Variants in DACH1 observed in about 807,000 individuals in gnomAD.
DACH1 encodes the protein dachshund homolog 1.
Under a neutral mutation model 54.2 loss-of-function variants are expected in DACH1, and 12 were observed. That is an observed-to-expected ratio of 0.22 (90% CI 0.14 to 0.36). DACH1 has a LOEUF of 0.36. Among genes scored for constraint, DACH1 ranks in the 10% least tolerant of loss-of-function variants. The probability of loss-of-function intolerance (pLI) is 1.00; values close to 1 mark genes in which losing one functional copy is unlikely to be tolerated. For missense variants in DACH1, 805 were observed against 929.8 expected, an observed-to-expected ratio of 0.87 and a Z score of 1.75; for synonymous variants, 386 against 366.2, an observed-to-expected ratio of 1.05 and a Z score of -0.62.
chr13:71,828,710 A>C (rs1014868125), intron 1 of DACH1, among the ~76,000 whole-genome samples: 1 of 151,900 alleles, frequency 6.6e-6, no homozygotes, highest in African/African-American at 2.4e-5. Flanking sequence ...TCTTCATTAC[A>C]TGGTGCCTCT....
intron 6 of DACH1, among the ~76,000 whole-genome samples, chr13:71,514,417 T>TA (rs1483877273): frequency 6.6e-6 from 1 of 151,832 alleles, no homozygotes; most frequent in African/African-American, 2.4e-5. Context: ...AGGATTTATA[T>TA]AAAAAAGAAT....
intron 1 of DACH1, among the ~76,000 whole-genome samples, chr13:71,745,700 G>A (rs1884573706): frequency 6.6e-6 from 1 of 152,196 alleles, no homozygotes; most frequent in South Asian, 2.1e-4. Context: ...ATGTTACAAA[G>A]TGAGTGGTGC....
chr13:71,468,920 C>T (rs138648498), intron 10 of DACH1, among the ~76,000 whole-genome samples: 5 of 152,240 alleles, frequency 3.3e-5, no homozygotes, highest in Admixed American at 2.0e-4. Context: ...GGAAAGGAAA[C>T]ATTTTTTCAA....
At chr13:71,745,243 T>G (rs181599753) in intron 1 of DACH1, among the ~76,000 whole-genome samples, 1 of 152,298 alleles carries the variant, frequency 6.6e-6, no homozygotes, top group East Asian at 1.9e-4. Context: ...TTTCCCCTTC[T>G]TTTCTTTTAA....
intron 1 of DACH1, among the ~76,000 whole-genome samples, chr13:71,758,314 CAT>C (rs1885253569): frequency 6.6e-6 from 1 of 152,160 alleles, no homozygotes. Context: ...ACAAAATTAA[CAT>C]GTTTAAGCTA....
intron 4 of DACH1, 73 bp downstream of exon 4, chr13:71,572,767 A>G: frequency 6.8e-7 from 1 of 1,471,338 alleles, no homozygotes; most frequent in Middle Eastern, 2.2e-4. Context: ...GTACTTATGG[A>G]ATAAGAAAAA....
At chr13:71,783,965 A>T (rs1317156861) in intron 1 of DACH1, among the ~76,000 whole-genome samples, 2 of 46,512 alleles carry the variant, frequency 4.3e-5, no homozygotes, top group East Asian at 2.5e-3. Flanking sequence ...TCCAAGGTTT[A>T]AAAAAAAAAA....
chr13:71,731,261 A>G (rs1364533443), intron 1 of DACH1, among the ~76,000 whole-genome samples: 4 of 150,982 alleles, frequency 2.6e-5, no homozygotes, highest in Non-Finnish European at 5.9e-5. Flanking sequence ...AAGCCACTTA[A>G]CTTCTCTTTT....
In DACH1 at chr13:71,501,746, G is replaced by A. The variant is rs545107882; in HGVS notation, c.1571-12598C>T. 4.6e-5 allele frequency among the ~76,000 whole-genome samples: 7 copies of A among 152,188 alleles called. No homozygotes were observed. The South Asian group carries it at 1.5e-3, about 32-fold the overall frequency. ...ACTTATTCTTTCTTCAGAGTCAGAG[G>A]CATTGCTATGATGATGTTCATCATT... is the stretch of plus-strand genomic sequence containing the variant. On this transcript the variant is annotated intron_variant, in intron 6 of 10. Coordinates refer to ENST00000613252, the MANE Select transcript of DACH1 (RefSeq NM_080759.6).
intron 1 of DACH1, among the ~76,000 whole-genome samples, chr13:71,854,887 C>G (rs1873901897): frequency 6.6e-6 from 1 of 151,934 alleles, no homozygotes; most frequent in Non-Finnish European, 1.5e-5. Context: ...GATTTTTCAT[C>G]TTCATTCAAA....
chr13:71,554,583 G>T (rs894245555), intron 6 of DACH1, among the ~76,000 whole-genome samples: 213 of 152,152 alleles, frequency 1.4e-3, no homozygotes, highest in African/African-American at 4.9e-3. Flanking sequence ...CTTTGGCCTT[G>T]CTATTAATCC....
intron 3 of DACH1, among the ~76,000 whole-genome samples, chr13:71,598,124 T>C (rs950531265): frequency 1.3e-5 from 2 of 151,048 alleles, no homozygotes; most frequent in African/African-American, 4.9e-5. Flanking sequence ...AAAAGAGAAA[T>C]AAAATTAAAC....
chr13:71,587,333 T>C (rs971780343), intron 3 of DACH1, among the ~76,000 whole-genome samples: 1 of 152,126 alleles, frequency 6.6e-6, no homozygotes, highest in Non-Finnish European at 1.5e-5. Context: ...AATTGAATTG[T>C]AAAATGTGTC....
chr13:71,661,762 G>C (rs1054293139), intron 2 of DACH1, among the ~76,000 whole-genome samples: 2 of 151,846 alleles, frequency 1.3e-5, no homozygotes, highest in African/African-American at 4.8e-5. Flanking sequence ...ACCTGGGAGA[G>C]AGTACTCAAG....
intron 6 of DACH1, among the ~76,000 whole-genome samples, chr13:71,502,227 A>C (rs1879974658): frequency 6.6e-6 from 1 of 152,160 alleles, no homozygotes; most frequent in Non-Finnish European, 1.5e-5. Flanking sequence ...CAACCAGCCT[A>C]GATTCCATCA....
chr13:71,641,732 T>C (rs1426843166), intron 2 of DACH1, among the ~76,000 whole-genome samples: 6 of 152,206 alleles, frequency 3.9e-5, no homozygotes, highest in Admixed American at 6.5e-5. Context: ...GCCCTTATCT[T>C]GGCACAATTT....
At chr13:71,809,105 T>C (rs887129525) in intron 1 of DACH1, among the ~76,000 whole-genome samples, 1 of 152,234 alleles carries the variant, frequency 6.6e-6, no homozygotes, top group Non-Finnish European at 1.5e-5. Flanking sequence ...TTTGTCATTT[T>C]GGTTCTTAGT....
intron 3 of DACH1, among the ~76,000 whole-genome samples, chr13:71,614,168 A>G (rs982999495): frequency 6.6e-6 from 1 of 152,164 alleles, no homozygotes; most frequent in African/African-American, 2.4e-5. Flanking sequence ...AATGGTTTAA[A>G]TCATCATGGA....
At chr13:71,573,296 T>C in intron 3 of DACH1, 2 of 621,304 alleles carry the variant, frequency 3.2e-6, no homozygotes, top group Non-Finnish European at 2.9e-6. Flanking sequence ...TAGGGTTTTC[T>C]TTAACTTATC....
Sources: gnomAD v4.1 joint callset for allele counts (sites outside exome capture counted in the v4.1 genomes callset) on GRCh38, gnomAD v4.1.1 for gene constraint, MANE v1.5 for transcripts, NCBI Gene and HGNC (gene_info 2026-07-23, HGNC 2026-07-21) for gene names.